SLC25A21: variants seen among roughly 807,000 people sequenced by gnomAD.
SLC25A21 encodes the protein mitochondrial 2-oxodicarboxylate carrier.
In SLC25A21, 47 loss-of-function variants were observed where a neutral mutation model predicts 43.8. That is an observed-to-expected ratio of 1.07 (90% CI 0.85 to 1.37). SLC25A21 has a LOEUF of 1.37. Ranked by LOEUF, SLC25A21 falls within the 40% of genes most tolerant of loss-of-function variation. The probability of loss-of-function intolerance (pLI) is 0.00; values close to 1 mark genes in which losing one functional copy is unlikely to be tolerated. For synonymous variants in SLC25A21, 131 were observed against 121.3 expected, an observed-to-expected ratio of 1.08 and a Z score of -0.52; for missense variants, 352 against 350.2, an observed-to-expected ratio of 1.00 and a Z score of -0.04.
chr14:36,985,389 AAAT>A (rs145364520), intron 1 of SLC25A21, among the ~76,000 whole-genome samples: 21 of 151,592 alleles, frequency 1.4e-4, no homozygotes, highest in Admixed American at 3.3e-4. Context: ...CCATGGTTAA[AAAT>A]AATAATAATA....
intron 2 of SLC25A21, among the ~76,000 whole-genome samples, chr14:36,853,819 C>G (rs759041061): frequency 3.3e-5 from 5 of 152,184 alleles, no homozygotes; most frequent in Non-Finnish European, 7.3e-5. Context: ...CTGAGACCCT[C>G]CAACAAACAC....
chr14:36,903,893 A>T (rs1030839659), intron 1 of SLC25A21, among the ~76,000 whole-genome samples: 8 of 152,174 alleles, frequency 5.3e-5, no homozygotes, highest in Non-Finnish European at 1.0e-4. Flanking sequence ...AACTAAGCGC[A>T]ATCACTTTGC....
At chr14:36,830,096 A>G (rs893100155) in intron 2 of SLC25A21, among the ~76,000 whole-genome samples, 1 of 152,210 alleles carries the variant, frequency 6.6e-6, no homozygotes, top group African/African-American at 2.4e-5. Flanking sequence ...GAGAGAAACC[A>G]TAGAAATAAC....
intron 1 of SLC25A21, among the ~76,000 whole-genome samples, chr14:36,972,665 T>C (rs797011298): frequency 5.9e-5 from 9 of 152,002 alleles, no homozygotes; most frequent in African/African-American, 2.2e-4. Flanking sequence ...TTTAGAGAAT[T>C]CAAAGCAAAG....
At chr14:36,923,891 A>C in intron 1 of SLC25A21, among the ~76,000 whole-genome samples, 1 of 152,356 alleles carries the variant, frequency 6.6e-6, no homozygotes, top group African/African-American at 2.4e-5. Context: ...TTCTTAAAAG[A>C]AGACATTTAT....
intron 1 of SLC25A21, among the ~76,000 whole-genome samples, chr14:37,151,169 A>C (rs1211399511): frequency 1.3e-5 from 2 of 152,144 alleles, no homozygotes; most frequent in Admixed American, 1.3e-4. Flanking sequence ...ACAGTAGTCT[A>C]TTCTAGTTTT....
At chr14:36,713,037 G>A (rs1332046999) in intron 6 of SLC25A21, among the ~76,000 whole-genome samples, 1 of 152,092 alleles carries the variant, frequency 6.6e-6, no homozygotes, top group African/African-American at 2.4e-5. Flanking sequence ...GCTTTCCTGG[G>A]GGTGGGAGGA....
At chr14:36,910,789 T>A (rs573999745) in intron 1 of SLC25A21, among the ~76,000 whole-genome samples, 9 of 152,308 alleles carry the variant, frequency 5.9e-5, no homozygotes, top group African/African-American at 1.7e-4. Context: ...TGAACAGCCC[T>A]GTCAATTAGT....
intron 1 of SLC25A21, among the ~76,000 whole-genome samples, chr14:37,099,192 T>C (rs1226628246): frequency 6.6e-6 from 1 of 152,108 alleles, no homozygotes; most frequent in East Asian, 1.9e-4. Context: ...CAAGAGCATA[T>C]AAAATCCTTT....
chr14:36,811,326 GTA>G (rs1888257018), intron 3 of SLC25A21, among the ~76,000 whole-genome samples: 1 of 152,122 alleles, frequency 6.6e-6, no homozygotes, highest in Non-Finnish European at 1.5e-5. Context: ...AAATTAGAGG[GTA>G]TATGTGTAGA....
intron 1 of SLC25A21, among the ~76,000 whole-genome samples, chr14:37,155,070 CA>C (rs1277088303): frequency 6.6e-6 from 1 of 151,126 alleles, no homozygotes; most frequent in African/African-American, 2.4e-5. Context: ...AACTAAAAGA[CA>C]GCTCTTTTTT....
intron 1 of SLC25A21, among the ~76,000 whole-genome samples, chr14:36,999,442 T>C (rs1960439989): frequency 2.0e-5 from 3 of 152,140 alleles, no homozygotes. Context: ...TATGTTTGGA[T>C]ACATAACATT....
intron 7 of SLC25A21, among the ~76,000 whole-genome samples, chr14:36,696,757 C>A (rs1883041700): frequency 6.6e-6 from 1 of 151,976 alleles, no homozygotes; most frequent in South Asian, 2.1e-4. Context: ...TGCTGATATC[C>A]CCTTTATCAT....
chr14:37,014,844 T>C (rs1006039743), intron 1 of SLC25A21, among the ~76,000 whole-genome samples: 3 of 152,124 alleles, frequency 2.0e-5, no homozygotes, highest in Non-Finnish European at 4.4e-5. Context: ...AATCTCTTTA[T>C]ACACCTCAAT....
At chr14:36,877,589 T>C (rs941195905) in intron 1 of SLC25A21, among the ~76,000 whole-genome samples, 7 of 151,972 alleles carry the variant, frequency 4.6e-5, no homozygotes. Flanking sequence ...TAGTAATGCA[T>C]GGGAGGAGGT....
intron 1 of SLC25A21, among the ~76,000 whole-genome samples, chr14:37,095,045 CATG>C (rs1411602388): frequency 6.6e-6 from 1 of 151,908 alleles, no homozygotes; most frequent in African/African-American, 2.4e-5. Context: ...CCACAATGGC[CATG>C]ATAAATAATG....
In SLC25A21 at chr14:36,678,564, C is replaced by A. The variant is rs780704367; in HGVS notation, c.*2094G>T. 1 of 1,535,102 alleles carries A rather than the reference C, an allele frequency of 6.5e-7. No individual in the cohort carries two copies. The highest frequency in any genetic ancestry group is 8.7e-7 in the Non-Finnish European group (1 of 1,145,832). On this transcript the variant is annotated 3_prime_UTR_variant, in exon 10 of 10. Transcript: ENST00000331299. The stretch of plus-strand genomic sequence containing the variant: ...TGGTGGAGACTTCTTTAAAACCATA[C>A]CATACAGGGACTCTCCTGTCATCTG...
chr14:36,877,924 G>GT lies in SLC25A21; in HGVS notation c.71-2921dup, dbSNP rs375103339. ...TTTCTTTTTTTAATAGCTCTTGGTT[G>GT]TTTTTTCTTATTACCAATGTACTCC... On this transcript the variant is annotated intron_variant, in intron 1 of 9. Coordinates refer to ENST00000331299, the MANE Select transcript of SLC25A21 (RefSeq NM_030631.4). Among the ~76,000 whole-genome samples the GT allele has an allele frequency of 3.4e-3, 520 of 152,130 alleles. 5 individuals carry two copies. Among genetic ancestry groups the GT allele is most frequent in the African/African-American group, 0.012 (497 of 41,496 alleles).
intron 1 of SLC25A21, among the ~76,000 whole-genome samples, chr14:36,904,110 C>G (rs1891470356): frequency 6.6e-6 from 1 of 152,128 alleles, no homozygotes; most frequent in South Asian, 2.1e-4. Flanking sequence ...ATGGCAAGAC[C>G]CATTACATAA....
Sources: allele counts gnomAD v4.1 joint callset (sites outside exome capture counted in the v4.1 genomes callset), GRCh38; gene constraint gnomAD v4.1.1; transcripts MANE v1.5; gene names NCBI Gene and HGNC (gene_info 2026-07-23, HGNC 2026-07-21).